Variants in PARP1 observed in about 807,000 individuals in gnomAD.
PARP1 encodes poly(ADP-ribose) polymerase 1, also known as poly [ADP-ribose] polymerase 1.
Under a neutral mutation model 118.7 loss-of-function variants are expected in PARP1, and 44 were observed. The ratio of observed to expected loss-of-function variants is 0.37; its 90% CI spans 0.29 to 0.48. The LOEUF is 0.48. Among genes scored for constraint, PARP1 ranks in the 20% least tolerant of loss-of-function variants. The probability of loss-of-function intolerance (pLI) is 0.99; values close to 1 mark genes in which losing one functional copy is unlikely to be tolerated. For missense variants in PARP1, 1,100 were observed against 1,272.4 expected, an observed-to-expected ratio of 0.86 and a Z score of 2.06; for synonymous variants, 492 against 483.2, an observed-to-expected ratio of 1.02 and a Z score of -0.24.
chr1:226,385,036 G>T (rs368352724), intron 7 of PARP1, among the ~76,000 whole-genome samples: 3 of 152,186 alleles, frequency 2.0e-5, no homozygotes, highest in African/African-American at 7.2e-5. Context: ...ATTTTGCGTT[G>T]AGAATTCCAT....
chr1:226,361,278 C>CACAAA lies in PARP1; in HGVS notation c.*177_*181dup. On this transcript the variant is annotated 3_prime_UTR_variant, in exon 23 of 23. Transcript: ENST00000366794. ...AAACAACCCCTCCCCACAGACACAA[C>CACAAA]ACAAAACAAGGGACTTGAGAAGTTA... 1.5e-6 allele frequency: 1 copy of CACAAA among 666,896 alleles called. No homozygotes were observed. Among genetic ancestry groups the CACAAA allele is most frequent in the Non-Finnish European group, 2.8e-6 (1 of 361,098 alleles). 41.3% of individuals were successfully genotyped at this position (666,896 alleles called of 1,614,324 possible). A position where few individuals can be genotyped will look rare whatever the true frequency, so the allele number is the denominator to read the frequency against.
At chr1:226,407,721 T>G in intron 1 of PARP1, 89 bp downstream of exon 1, 38 of 1,206,062 alleles carry the variant, frequency 3.2e-5, no homozygotes, top group Non-Finnish European at 3.7e-5. Context: ...GCCCGCTCGC[T>G]CCCTGGGCCC....
intron 2 of PARP1, among the ~76,000 whole-genome samples, chr1:226,401,121 G>C (rs1665027229): frequency 6.6e-6 from 1 of 152,248 alleles, no homozygotes; most frequent in Non-Finnish European, 1.5e-5. Context: ...GAAAACTGTG[G>C]AGACAGTAAA....
rs761046396 is a variant in PARP1 at position 226,368,250 on chromosome 1, G to C, written c.2226C>G (p.His742Gln). 6.2e-7 allele frequency: 1 copy of C among 1,614,202 alleles called. No individual in the cohort carries two copies. The highest frequency in any genetic ancestry group is 8.5e-7 in the Non-Finnish European group (1 of 1,180,036). The change falls in exon 16 of 23, where the codon CAC (histidine) becomes CAG (glutamine). Residue 742 changes from histidine (H) to glutamine (Q), a missense_variant. Coordinates refer to ENST00000366794, the MANE Select transcript of PARP1 (RefSeq NM_001618.4). ...GCGGAGGCTTCTTCATCCCAAAGTC[G>C]TGGGGGATCAGGGTGTAAAAGCGAT... The part of the protein sequence containing the change: ...LSNRFYTLIP[H>Q]DFGMKKPPLL...
chr1:226,365,016 G>A lies in PARP1; in HGVS notation c.2644C>T (p.Pro882Ser). Residue 882 changes from proline to serine, a missense_variant, in exon 19 of 23, where the codon CCT becomes TCT. Around this residue, in one of 2 missense-constraint regions of PARP1, gnomAD observed 152 missense variants for 240.6 expected, o/e 0.63. Transcript: ENST00000366794. Reference protein sequence around the residue: ...ILSQGLRIAPPEAPVTGYMFG... With the variant: ...ILSQGLRIAPSEAPVTGYMFG... Reference sequence around the variant, plus strand: ...CAGGCACATACCACGGGCGCTTCAGGCGGGGCTATCCGAAGACCCTGGGAC... The same window carrying A: ...CAGGCACATACCACGGGCGCTTCAGACGGGGCTATCCGAAGACCCTGGGAC... 6.2e-7 allele frequency: 1 copy of A among 1,614,004 alleles called. No individual in the cohort carries two copies. The highest frequency in any genetic ancestry group is 1.7e-5 in the Admixed American group (1 of 60,032).
intron 5 of PARP1, among the ~76,000 whole-genome samples, chr1:226,388,119 C>A (rs937724750): frequency 6.6e-6 from 1 of 152,208 alleles, no homozygotes; most frequent in African/African-American, 2.4e-5. Context: ...ATAATCAACA[C>A]AGGGATGAAT....
chr1:226,388,100 A>C (rs1320196025), intron 5 of PARP1, among the ~76,000 whole-genome samples: 1 of 152,224 alleles, frequency 6.6e-6, no homozygotes, highest in Non-Finnish European at 1.5e-5. Context: ...GCTTTGCTTC[A>C]ACATGTACAT....
At chr1:226,403,196 C>T (rs566578876) in intron 1 of PARP1, among the ~76,000 whole-genome samples, 1 of 152,208 alleles carries the variant, frequency 6.6e-6, no homozygotes, top group African/African-American at 2.4e-5. Context: ...CGAGCACTGT[C>T]TGGCTTTGTT....
chr1:226,399,109 C>T (rs1048959540), intron 2 of PARP1, among the ~76,000 whole-genome samples: 1 of 135,752 alleles, frequency 7.4e-6, no homozygotes, highest in Non-Finnish European at 1.5e-5. Context: ...GAGTTTCGCT[C>T]TGTTGCCAGG....
At chr1:226,386,656 G>GTGGA (rs2102739141) in intron 5 of PARP1, among the ~76,000 whole-genome samples, 1 of 152,308 alleles carries the variant, frequency 6.6e-6, no homozygotes, top group African/African-American at 2.4e-5. Context: ...AGAGAATACT[G>GTGGA]TGGAAGGTGA....
At chr1:226,378,865 C>CA (rs1558236905) in intron 12 of PARP1, among the ~76,000 whole-genome samples, 2 of 152,160 alleles carry the variant, frequency 1.3e-5, no homozygotes, top group African/African-American at 4.8e-5. Flanking sequence ...AAAACAACAA[C>CA]AAAAAACAAA....
chr1:226,379,854 G>A (rs151336159), intron 10 of PARP1, 68 bp downstream of exon 10: 479 of 1,609,046 alleles, frequency 3.0e-4, no homozygotes, highest in Non-Finnish European at 3.8e-4. Context: ...GAGAGGTTCC[G>A]TGGACAACAA....
intron 17 of PARP1, 69 bp downstream of exon 17, chr1:226,367,411 A>T: frequency 1.3e-6 from 2 of 1,575,030 alleles, no homozygotes; most frequent in Non-Finnish European, 1.7e-6. Flanking sequence ...CCTAACACAC[A>T]TGGAAGTTTG....
chr1:226,392,363 C>A (rs374611542), intron 2 of PARP1, 49 bp from the exon 3 acceptor site: 7 of 1,359,924 alleles, frequency 5.1e-6, no homozygotes, highest in Non-Finnish European at 7.4e-6. Flanking sequence ...CCCCAAAATG[C>A]AGCTCAGAGG....
chr1:226,401,526 T>C (rs994264584), intron 2 of PARP1, among the ~76,000 whole-genome samples: 18 of 152,254 alleles, frequency 1.2e-4, no homozygotes, highest in African/African-American at 4.3e-4. Flanking sequence ...TTCCGGGTAT[T>C]GCCATGGCAA....
intron 16 of PARP1, 45 bp from the exon 17 acceptor site, chr1:226,367,653 T>G: frequency 3.7e-6 from 6 of 1,610,912 alleles, no homozygotes; most frequent in Non-Finnish European, 5.1e-6. Flanking sequence ...TCATGGTGAA[T>G]GAGACAGACT....
chr1:226,377,834 C>G (rs574850051), intron 12 of PARP1, among the ~76,000 whole-genome samples: 2 of 152,314 alleles, frequency 1.3e-5, no homozygotes, highest in Admixed American at 1.3e-4. Context: ...ACACACCCAG[C>G]TGCTGTGCTG....
Position 226,368,323 on chromosome 1 carries a change from T to G in PARP1, c.2155-2A>C. Reference sequence around the variant, plus strand: ...GTCGCTGCTGCCCTGAGACACCGCCTGGAGAGGAGGGGACAGAAGGAATGC... The same window carrying G: ...GTCGCTGCTGCCCTGAGACACCGCCGGGAGAGGAGGGGACAGAAGGAATGC... On this transcript the variant is annotated splice_acceptor_variant, in intron 15 of 22. Coordinates refer to ENST00000366794, the MANE Select transcript of PARP1 (RefSeq NM_001618.4). LOFTEE classifies it high-confidence loss of function. 6.2e-7 allele frequency: 1 copy of G among 1,614,052 alleles called. No individual in the cohort carries two copies. Among genetic ancestry groups the G allele is most frequent in the South Asian group, 1.1e-5 (1 of 91,078 alleles).
At chr1:226,399,639 CAA>C (rs892084904) in intron 2 of PARP1, among the ~76,000 whole-genome samples, 2 of 152,140 alleles carry the variant, frequency 1.3e-5, no homozygotes, top group South Asian at 2.1e-4. Context: ...ATGTACAATG[CAA>C]AGAGTGAGCC....
Sources: gnomAD v4.1 joint callset for allele counts (sites outside exome capture counted in the v4.1 genomes callset) on GRCh38, gnomAD v4.1.1 for gene constraint, gnomAD v4.1.1 regional missense constraint, MANE v1.5 for transcripts, NCBI Gene and HGNC (gene_info 2026-07-23, HGNC 2026-07-21) for gene names.